The following DISP3 variants were observed in gnomAD, a reference collection of about 807,000 sequenced individuals.
The protein encoded by DISP3 is protein dispatched homolog 3.
DISP3 carries 101 observed loss-of-function variants against 135.3 expected under a neutral mutation model. The ratio of observed to expected loss-of-function variants is 0.75; its 90% confidence interval spans 0.64 to 0.88. The LOEUF is 0.88. DISP3 is among the 40% of genes least tolerant of loss of function. The pLI, the probability that DISP3 is intolerant of heterozygous loss-of-function variation, is 0.00. For synonymous variants in DISP3, 856 were observed against 817.0 expected, an observed-to-expected ratio of 1.05 and a Z score of -0.81; for missense variants, 1,713 against 1,878.6, an observed-to-expected ratio of 0.91 and a Z score of 1.63.
chr1:11,529,707 TGGG>T lies in DISP3; in HGVS notation c.2929+23_2929+25del, dbSNP rs1223191395. On this transcript the variant is annotated intron_variant, in intron 14 of 20. Coordinates refer to ENST00000294484, the MANE Select transcript of DISP3 (RefSeq NM_020780.2). This position sits in a 1 kb window ranked among gnomAD's most constrained non-coding sequence, Gnocchi z 4.7. ...GAAAGGTACGGCAAGGGCACACAGGTGGGGACCTCAAGAGCTGAGACCTCGGGG... is the reference window on the plus strand; with the variant it reads ...GAAAGGTACGGCAAGGGCACACAGGTGACCTCAAGAGCTGAGACCTCGGGG... 6.2e-7 allele frequency: 1 copy of T among 1,601,242 alleles called. No individual in the cohort carries two copies. The highest frequency in any genetic ancestry group is 2.2e-5 in the East Asian group (1 of 44,534).
chr1:11,501,877 G>C lies in DISP3; in HGVS notation c.885G>C (p.Leu295=), dbSNP rs756481427. 6.2e-7 allele frequency: 1 copy of C among 1,613,286 alleles called. No homozygotes were observed. Among genetic ancestry groups the C allele is most frequent in the Non-Finnish European group, 8.5e-7 (1 of 1,179,738 alleles). The change falls in exon 2 of 21, where the codon CTG becomes CTC. Residue 295 remains leucine, a synonymous_variant. Transcript: ENST00000294484. This position sits in a 1 kb window ranked among gnomAD's most constrained non-coding sequence, Gnocchi z 4.9. ...AERNIFTSER[L]VTIHEIERKI... is the part of the protein sequence containing the mutation. ...GCAACATTTTCACCAGTGAGCGCCTGGTCACGATCCATGAGATCGAGCGCA... is the reference window on the plus strand; with the variant it reads ...GCAACATTTTCACCAGTGAGCGCCTCGTCACGATCCATGAGATCGAGCGCA...
intron 17 of DISP3, among the ~76,000 whole-genome samples, chr1:11,532,879 A>AT (rs1557623437): frequency 6.6e-6 from 1 of 151,736 alleles, no homozygotes; most frequent in Admixed American, 6.6e-5. Flanking sequence ...TTTAATTTTT[A>AT]TTTTTTGGTA....
intron 4 of DISP3, 104 bp from the exon 5 acceptor site, chr1:11,515,265 G>A: frequency 2.1e-6 from 3 of 1,445,332 alleles, no homozygotes; most frequent in Non-Finnish European, 2.8e-6. Flanking sequence ...GGTGACCAGG[G>A]TTGGGGAGAA....
At chr1:11,504,716 C>T (rs1468474623) in intron 3 of DISP3, among the ~76,000 whole-genome samples, 1 of 152,166 alleles carries the variant, frequency 6.6e-6, no homozygotes, top group East Asian at 1.9e-4. Context: ...TGCCTGTTCC[C>T]CCTTTGACCT....
chr1:11,507,178 C>T (rs1426026969), intron 3 of DISP3, among the ~76,000 whole-genome samples: 1 of 152,188 alleles, frequency 6.6e-6, no homozygotes, highest in Non-Finnish European at 1.5e-5. Flanking sequence ...CTTCAGAAGG[C>T]ACATAGAGTC....
Position 11,523,925 on chromosome 1 carries a change from A to G in DISP3, c.2363-17A>G. The G allele has an allele frequency of 1.2e-6, 2 of 1,600,968 alleles. No individual in the cohort carries two copies. The highest frequency in any genetic ancestry group is 8.6e-7 in the Non-Finnish European group (1 of 1,169,474). On this transcript the variant is annotated splice_polypyrimidine_tract_variant and intron_variant, in intron 10 of 20. Transcript: ENST00000294484. ...GTCCTGCTGTCCTGCTGTCCTTGAC[A>G]TGGCGCTGGGGGGCAGGTCTGTTCC...
chr1:11,515,638 G>T, intron 5 of DISP3, 135 bp downstream of exon 5: 4 of 1,339,658 alleles, frequency 3.0e-6, no homozygotes, highest in Non-Finnish European at 4.0e-6. Context: ...GCCTTGGAGT[G>T]CAGGGTTAGA....
Position 11,535,067 on chromosome 1 carries a change from G to T in DISP3, c.3592G>T (p.Val1198Leu). ...VLSLLICVAA[V>L]AVFTTHILLL... is the part of the protein sequence containing the mutation. ...ATCCCTGCTCATCTGCGTGGCCGCGGTGGCCGTGTTCACCACCCACATCCT... is the reference window on the plus strand; with the variant it reads ...ATCCCTGCTCATCTGCGTGGCCGCGTTGGCCGTGTTCACCACCCACATCCT... Residue 1198 changes from valine (V) to leucine (L), a missense_variant, in exon 19 of 21, where the codon GTG becomes TTG. By Grantham distance (32) the Val-to-Leu change is conservative (BLOSUM62 1). Around this residue, in one of 2 missense-constraint regions of DISP3, gnomAD observed 1,142 missense variants for 1,384.6 expected, o/e 0.82. Transcript: ENST00000294484. 1 of 1,608,430 alleles carries T rather than the reference G, an allele frequency of 6.2e-7. No individual in the cohort carries two copies.
Position 11,526,718 on chromosome 1 carries a change from T to A in DISP3, c.2681T>A (p.Leu894His). The A allele has an allele frequency of 6.2e-7, 1 of 1,614,006 alleles. No homozygotes were observed. The highest frequency in any genetic ancestry group is 8.5e-7 in the Non-Finnish European group (1 of 1,180,034). Reference protein sequence around the residue: ...LTACMSTVGLLQAASPSRKWM... With the variant: ...LTACMSTVGLHQAASPSRKWM... ...GCTTGTATGTCTACAGTAGGGCTGC[T>A]CCAGGCGGCGAGCCCCTCCCGCAAG... Residue 894 changes from leucine to histidine, a missense_variant, in exon 13 of 21, where the codon CTC becomes CAC. Physicochemically the swap from Leu to His is moderately conservative, Grantham distance 99 (BLOSUM62 -3). Coordinates refer to ENST00000294484, the MANE Select transcript of DISP3 (RefSeq NM_020780.2).
chr1:11,534,573 G>A, intron 18 of DISP3, 33 bp downstream of exon 18: 1 of 1,576,846 alleles, frequency 6.3e-7, no homozygotes, highest in Non-Finnish European at 8.6e-7. Flanking sequence ...CATCCTGGGT[G>A]GGCAGGAGGC....
chr1:11,487,687 G>T (rs549847934), intron 1 of DISP3, among the ~76,000 whole-genome samples: 2 of 152,236 alleles, frequency 1.3e-5, no homozygotes, highest in South Asian at 4.1e-4. Flanking sequence ...AACACCCTTG[G>T]CTCAGGTTCA....
At position 11,536,335 on chromosome 1, in the gene DISP3, G is replaced by A. The variant is rs996128599; in HGVS notation, c.3828G>A (p.Thr1276=). The A allele has an allele frequency of 3.1e-6, 5 of 1,600,346 alleles. No individual in the cohort carries two copies. The highest frequency in any genetic ancestry group is 2.2e-5 in the East Asian group (1 of 44,858). ...LPPHQAEDAR[T]QRQWRTLEAV... Reference sequence around the variant, plus strand: ...CCTCTTGCCCCCAGGACGCCCGAACGCAGCGCCAGTGGCGTACGCTGGAGG... The same window carrying A: ...CCTCTTGCCCCCAGGACGCCCGAACACAGCGCCAGTGGCGTACGCTGGAGG... Residue 1276 remains threonine, a synonymous_variant, in exon 21 of 21, where the codon ACG becomes ACA. Transcript: ENST00000294484. This position sits in a 1 kb window ranked among gnomAD's most constrained non-coding sequence, Gnocchi z 4.3.
chr1:11,502,449 G>A (rs953282918), intron 2 of DISP3, among the ~76,000 whole-genome samples: 4 of 152,212 alleles, frequency 2.6e-5, no homozygotes, highest in African/African-American at 9.6e-5. Flanking sequence ...GAAATGATTG[G>A]GGTTGAAGAA....
rs1557615082 is a variant in DISP3 at position 11,522,638 on chromosome 1, G to GGGCCC, written c.2363-1304_2363-1303insGGCCC. On this transcript the variant is annotated intron_variant, in intron 10 of 20. Transcript: ENST00000294484. ...CCAGGACCCAGCCAGAGCCCAGCCAGAGCCCAGCCAGGGCCCAGCCAGAGC... is the reference window on the plus strand; with the variant it reads ...CCAGGACCCAGCCAGAGCCCAGCCAGGGCCCAGCCCAGCCAGGGCCCAGCCAGAGC... Among the ~76,000 whole-genome samples the GGGCCC allele has an allele frequency of 1.3e-4, 17 of 129,248 alleles. 2 individuals carry two copies. The highest frequency in any genetic ancestry group is 4.8e-4 in the East Asian group (2 of 4,132). The allele number at this position is 129,248 out of a possible 152,430, so 84.8% of individuals were successfully genotyped here.
In DISP3 at chr1:11,519,128, T is replaced by G. The variant is rs1642095700; in HGVS notation, c.1890-227T>G. Among the ~76,000 whole-genome samples, 1 of 152,186 alleles carries G rather than the reference T, an allele frequency of 6.6e-6. No homozygotes were observed. On this transcript the variant is annotated intron_variant, in intron 7 of 20. Transcript: ENST00000294484. The surrounding 1 kb of genome is among the most constrained non-coding windows in gnomAD (Gnocchi z 4.3). ...TCCCCTCTTCCTGGGTAATGTTTGC[T>G]GTCACCATTTGTCTCTCTGGAGGAA...
rs1642143843 is a variant in DISP3, at chr1:11,520,220, A to G, written c.2200+340A>G. ...CCAGTCCGTTTAGCACTCAGTTCCT[A>G]TTCTGTAATTGAGGATGAGAACGGT... On this transcript the variant is annotated intron_variant, in intron 9 of 20. Transcript: ENST00000294484. The surrounding 1 kb of genome is among the most constrained non-coding windows in gnomAD (Gnocchi z 4.8). Among the ~76,000 whole-genome samples, 1 of 152,102 alleles carries G rather than the reference A, an allele frequency of 6.6e-6. No individual in the cohort carries two copies. Among genetic ancestry groups the G allele is most frequent in the Admixed American group, 6.5e-5 (1 of 15,272 alleles).
Position 11,501,246 on chromosome 1 carries a change from C to G in DISP3, c.254C>G (p.Pro85Arg). The G allele has an allele frequency of 6.2e-7, 1 of 1,614,190 alleles. No individual in the cohort carries two copies. Among genetic ancestry groups the G allele is most frequent in the Non-Finnish European group, 8.5e-7 (1 of 1,180,024 alleles). ...GLVLFLGCSI[P>R]MALSAFMFLY... ...GTGCTCTTCCTGGGCTGCAGCATCC[C>G]CATGGCCCTGTCAGCCTTCATGTTC... Residue 85 changes from proline (P) to arginine (R), a missense_variant, in exon 2 of 21, where the codon CCC becomes CGC. Pro to Arg is a moderately radical substitution (Grantham distance 103). This residue lies in a region of DISP3 where 571 missense variants were observed against 494.1 expected (regional missense o/e 1.16). Transcript: ENST00000294484. The surrounding 1 kb of genome is among the most constrained non-coding windows in gnomAD (Gnocchi z 4.9).
intron 6 of DISP3, 55 bp from the exon 7 acceptor site, chr1:11,517,408 C>T: frequency 1.3e-6 from 2 of 1,598,912 alleles, no homozygotes; most frequent in African/African-American, 2.7e-5. Flanking sequence ...GCACCCAGGC[C>T]CCCTGACTGC....
chr1:11,522,788 GCCAGAGCCCAGCCAGGA>G (rs1331772335), intron 10 of DISP3, among the ~76,000 whole-genome samples: 4 of 141,098 alleles, frequency 2.8e-5, no homozygotes, highest in African/African-American at 8.0e-5. Flanking sequence ...CCAGGGCCCA[GCCAGAGCCCAGCCAGGA>G]CCCAGCCAGG....
Sources: gnomAD v4.1 joint callset for allele counts (sites outside exome capture counted in the v4.1 genomes callset) on GRCh38, gnomAD v4.1.1 for gene constraint, gnomAD v4.1.1 regional missense constraint, Gnocchi (gnomAD v3.1) non-coding constraint, MANE v1.5 for transcripts, NCBI Gene and HGNC (gene_info 2026-07-23, HGNC 2026-07-21) for gene names.